ASZ1: variants seen among roughly 807,000 people sequenced by gnomAD.
ASZ1 encodes the protein ankyrin repeat, SAM and basic leucine zipper domain containing 1.
ASZ1 carries 67 observed loss-of-function variants against 61.8 expected under a neutral mutation model. The observed-to-expected ratio is 1.08, with a 90% confidence interval of 0.89 to 1.33. The LOEUF (loss-of-function observed/expected upper bound fraction) is 1.33. Among genes scored for constraint, ASZ1 ranks in the 40% most tolerant of loss-of-function variants. The pLI, the probability that ASZ1 is intolerant of heterozygous loss-of-function variation, is 0.00. For missense variants in ASZ1, 577 were observed against 554.5 expected, an observed-to-expected ratio of 1.04 and a Z score of -0.41; for synonymous variants, 193 against 192.7, an observed-to-expected ratio of 1.00 and a Z score of -0.01.
chr7:117,420,247 C>T lies in ASZ1; in HGVS notation c.356G>A (p.Cys119Tyr). 2 of 1,612,426 alleles carry T rather than the reference C, an allele frequency of 1.2e-6. No individual in the cohort carries two copies. Among genetic ancestry groups the T allele is most frequent in the East Asian group, 2.2e-5 (1 of 44,794 alleles). The change falls in exon 4 of 13, where the codon TGT (cysteine) becomes TAT (tyrosine). Residue 119 changes from cysteine to tyrosine, a missense_variant. Physicochemically the swap from Cys to Tyr is radical, Grantham distance 194. Transcript: ENST00000284629. Reference sequence around the variant, plus strand: ...CTGTTCCTCTGAGCCATGAGCAGAACATGCAGTTATCAAAATACTTTGCTT... The same window carrying T: ...CTGTTCCTCTGAGCCATGAGCAGAATATGCAGTTATCAAAATACTTTGCTT... ...KDKQSILITA[C>Y]SAHGSEEQIL...
At position 117,426,822 on chromosome 7, in the gene ASZ1, C is replaced by T. The variant is rs1178854519; in HGVS notation, c.205+14G>A. 1.3e-6 allele frequency: 2 copies of T among 1,586,146 alleles called. No individual in the cohort carries two copies. Among genetic ancestry groups the T allele is most frequent in the East Asian group, 4.5e-5 (2 of 44,728 alleles). On this transcript the variant is annotated intron_variant, in intron 2 of 12. Coordinates refer to ENST00000284629, the MANE Select transcript of ASZ1 (RefSeq NM_130768.3). ...GACAGCTGTGTTCAGATGAAACTGT[C>T]CCTTATCTCTCACCAGAATCTAGGA...
intron 4 of ASZ1, among the ~76,000 whole-genome samples, chr7:117,411,354 T>C (rs1796886195): frequency 6.6e-6 from 1 of 151,750 alleles, no homozygotes. Flanking sequence ...GGGCAATTTA[T>C]TACAAATATA....
At chr7:117,423,280 C>G (rs1223998658) in intron 2 of ASZ1, among the ~76,000 whole-genome samples, 1 of 151,470 alleles carries the variant, frequency 6.6e-6, no homozygotes, top group African/African-American at 2.4e-5. Context: ...GTATAAACAC[C>G]GGGTCACTGA....
At chr7:117,368,422 T>A in intron 11 of ASZ1, 190 bp downstream of exon 11, 8 of 1,255,738 alleles carry the variant, frequency 6.4e-6, no homozygotes, top group Non-Finnish European at 6.0e-6. Context: ...AAGGCAAGAA[T>A]ACAAAGTTTT....
At chr7:117,405,350 C>A (rs540375486) in intron 4 of ASZ1, among the ~76,000 whole-genome samples, 1 of 152,368 alleles carries the variant, frequency 6.6e-6, no homozygotes, top group African/African-American at 2.4e-5. Flanking sequence ...GCATTTCTTT[C>A]TAATCACAGC....
chr7:117,363,505 TAA>T lies in ASZ1; in HGVS notation c.*89_*90del, dbSNP rs1179275747. 4.6e-5 allele frequency: 52 copies of T among 1,121,628 alleles called. No homozygotes were observed. Among genetic ancestry groups the T allele is most frequent in the Non-Finnish European group, 3.5e-6 (3 of 855,516 alleles). The allele number at this position is 1,121,628 out of a possible 1,614,324, so 69.5% of individuals were successfully genotyped here. On this transcript the variant is annotated 3_prime_UTR_variant, in exon 13 of 13. Transcript: ENST00000284629. The stretch of plus-strand genomic sequence containing the variant: ...TCCTATGGAATATTGGCAAAGAATG[TAA>T]AGTTATATTGTGCTGCAAACAGTTA...
chr7:117,395,873 G>C (rs1215405935), intron 4 of ASZ1, among the ~76,000 whole-genome samples: 2 of 152,076 alleles, frequency 1.3e-5, no homozygotes, highest in East Asian at 1.9e-4. Context: ...AAATATTTTG[G>C]GCTTTGTGAT....
chr7:117,365,204 A>AAAG (rs1795911573), intron 12 of ASZ1, among the ~76,000 whole-genome samples: 1 of 152,202 alleles, frequency 6.6e-6, no homozygotes, highest in Non-Finnish European at 1.5e-5. Flanking sequence ...TTTCTTGCCC[A>AAAG]AAGAACTGTA....
At chr7:117,419,921 GTCC>G (rs1584743858) in intron 4 of ASZ1, among the ~76,000 whole-genome samples, 2 of 152,182 alleles carry the variant, frequency 1.3e-5, no homozygotes, top group East Asian at 3.9e-4. Flanking sequence ...ATAGTTTATT[GTCC>G]TCCTTTCCCT....
chr7:117,423,689 CAAAAAAAAAAA>C (rs60144830), intron 2 of ASZ1, among the ~76,000 whole-genome samples: 3 of 76,518 alleles, frequency 3.9e-5, no homozygotes, highest in Admixed American at 1.5e-4. Context: ...ACTAAAAATA[CAAAAAAAAAAA>C]AAAAAAAAAA....
At chr7:117,427,241 G>T in intron 1 of ASZ1, 115 bp downstream of exon 1, 1 of 1,211,174 alleles carries the variant, frequency 8.3e-7, no homozygotes, top group Non-Finnish European at 1.2e-6. Flanking sequence ...TATTTCCACT[G>T]GGTAAAAGGG....
intron 12 of ASZ1, among the ~76,000 whole-genome samples, chr7:117,365,717 T>G (rs1238885916): frequency 1.3e-5 from 2 of 152,180 alleles, no homozygotes; most frequent in Non-Finnish European, 2.9e-5. Context: ...GAGATATAAT[T>G]TTTGGGTCAT....
In ASZ1 at chr7:117,412,048, G is replaced by A. The variant is rs879371445; in HGVS notation, c.440+8115C>T. On this transcript the variant is annotated intron_variant, in intron 4 of 12. Coordinates refer to ENST00000284629, the MANE Select transcript of ASZ1 (RefSeq NM_130768.3). ...CAAACAAGTGAAAAGAAGTGTGTGT[G>A]TGTGTGTGTGTGTGTGTGTGTGTGT... 2.0e-3 allele frequency among the ~76,000 whole-genome samples: 285 copies of A among 140,510 alleles called. 2 individuals are homozygous for A. Among genetic ancestry groups the A allele is most frequent in the Admixed American group, 3.1e-3 (45 of 14,590 alleles). 92.2% of individuals were successfully genotyped at this position (140,510 alleles called of 152,430 possible).
At chr7:117,377,696 T>C (rs1417840529) in intron 10 of ASZ1, among the ~76,000 whole-genome samples, 1 of 152,118 alleles carries the variant, frequency 6.6e-6, no homozygotes, top group African/African-American at 2.4e-5. Context: ...AGAAAAGCTT[T>C]ATCTAAAATG....
chr7:117,413,584 C>T (rs1796937019), intron 4 of ASZ1, among the ~76,000 whole-genome samples: 1 of 151,990 alleles, frequency 6.6e-6, no homozygotes, highest in Non-Finnish European at 1.5e-5. Flanking sequence ...TAATTTGTGT[C>T]CTAGAGGCTT....
chr7:117,410,367 A>G (rs1362001019), intron 4 of ASZ1, among the ~76,000 whole-genome samples: 1 of 151,758 alleles, frequency 6.6e-6, no homozygotes, highest in Non-Finnish European at 1.5e-5. Flanking sequence ...ATAAATTCTG[A>G]GTCCAAGATC....
chr7:117,377,415 C>T (rs1796157874), intron 10 of ASZ1, among the ~76,000 whole-genome samples: 2 of 151,938 alleles, frequency 1.3e-5, no homozygotes, highest in South Asian at 4.2e-4. Flanking sequence ...ATGGTCTCAC[C>T]TACTCAGGAG....
Position 117,420,212 on chromosome 7 carries a change from A to G in ASZ1, c.391T>C (p.Cys131Arg). 6.2e-7 allele frequency: 1 copy of G among 1,612,704 alleles called. No individual in the cohort carries two copies. Among genetic ancestry groups the G allele is most frequent in the Non-Finnish European group, 8.5e-7 (1 of 1,179,668 alleles). ...TTTCTTGAAAGTAGTAGTTCTACAC[A>G]CTTCAAGATCTGTTCCTCTGAGCCA... ...AHGSEEQILKCVELLLSRNAD... is the reference protein window; with the variant it reads ...AHGSEEQILKRVELLLSRNAD... The change falls in exon 4 of 13, where the codon TGT (cysteine) becomes CGT (arginine). Residue 131 changes from cysteine (C) to arginine (R), a missense_variant. Transcript: ENST00000284629.
intron 4 of ASZ1, among the ~76,000 whole-genome samples, chr7:117,394,817 A>T (rs1362124772): frequency 1.3e-5 from 2 of 151,918 alleles, no homozygotes; most frequent in Non-Finnish European, 2.9e-5. Flanking sequence ...CTACTCTTCT[A>T]CCTCTTCTAC....
Sources: gnomAD v4.1 joint callset for allele counts (sites outside exome capture counted in the v4.1 genomes callset) on GRCh38, gnomAD v4.1.1 for gene constraint, MANE v1.5 for transcripts, NCBI Gene and HGNC (gene_info 2026-07-23, HGNC 2026-07-21) for gene names.